CMIP: variants seen among roughly 807,000 people sequenced by gnomAD.
The protein encoded by CMIP is c-Maf inducing protein.
A neutral mutation model predicts 97.3 loss-of-function variants in CMIP; 13 were observed. That is an observed-to-expected ratio of 0.13 (90% confidence interval 0.09 to 0.21). The LOEUF (loss-of-function observed/expected upper bound fraction) is 0.21. Ranked by LOEUF, CMIP falls within the 10% of genes least tolerant of loss-of-function variation. The probability of loss-of-function intolerance (pLI) is 1.00; values close to 1 mark genes in which losing one functional copy is unlikely to be tolerated. For synonymous variants in CMIP, 538 were observed against 436.3 expected (o/e 1.23, Z -2.91); for missense variants, 847 against 1,024.9 (o/e 0.83, Z 2.37).
At chr16:81,638,439 C>G (rs1036415437) in intron 3 of CMIP, among the ~76,000 whole-genome samples, 4 of 152,170 alleles carry the variant, frequency 2.6e-5, no homozygotes, top group African/African-American at 9.7e-5. Context: ...TGGCCCACCC[C>G]CACCTGCACG....
At chr16:81,476,448 C>T (rs1355589865) in intron 1 of CMIP, 1 of 907,710 alleles carries the variant, frequency 1.1e-6, no homozygotes, top group African/African-American at 1.6e-5. Context: ...TGTTTGCAAA[C>T]AGCTCGAAGG....
intron 3 of CMIP, chr16:81,645,490 C>G: frequency 6.5e-7 from 1 of 1,534,820 alleles, no homozygotes; most frequent in Non-Finnish European, 8.7e-7. Context: ...CTGCTGACGA[C>G]TTGTCTCCCG....
intron 1 of CMIP, among the ~76,000 whole-genome samples, chr16:81,486,041 G>A (rs1013591381): frequency 5.3e-5 from 8 of 152,238 alleles, no homozygotes; most frequent in African/African-American, 1.9e-4. Flanking sequence ...CCTGGCACCC[G>A]GCCTGACAGG....
intron 1 of CMIP, among the ~76,000 whole-genome samples, chr16:81,482,575 G>T (rs1460003523): frequency 6.6e-6 from 1 of 152,168 alleles, no homozygotes; most frequent in South Asian, 2.1e-4. Context: ...GAGCCTGGTG[G>T]ACATGCGTGT....
chr16:81,454,665 C>T (rs1398826429), intron 1 of CMIP, among the ~76,000 whole-genome samples: 2 of 152,222 alleles, frequency 1.3e-5, no homozygotes, highest in Non-Finnish European at 2.9e-5. Flanking sequence ...AGGCATGGCA[C>T]TTGGAAAGTC....
chr16:81,527,271 A>G (rs2090150791), intron 1 of CMIP, among the ~76,000 whole-genome samples: 1 of 152,168 alleles, frequency 6.6e-6, no homozygotes, highest in Admixed American at 6.5e-5. Context: ...TGAGTGTGTA[A>G]GAGCCTTTGG....
chr16:81,591,608 AT>A (rs1486208860), intron 1 of CMIP, among the ~76,000 whole-genome samples: 1 of 152,074 alleles, frequency 6.6e-6, no homozygotes, highest in Non-Finnish European at 1.5e-5. Context: ...CATTTATAAC[AT>A]GTTGAGGAAC....
chr16:81,701,809 C>T lies in CMIP; in HGVS notation c.1896+9C>T. Reference sequence around the variant, plus strand: ...GGGAGCTGAAGGAGCTGGTGAGTCCCCGGCTGCTCCGGACCACTCCCCTGC... The same window carrying T: ...GGGAGCTGAAGGAGCTGGTGAGTCCTCGGCTGCTCCGGACCACTCCCCTGC... On this transcript the variant is annotated intron_variant, in intron 16 of 20. Coordinates refer to ENST00000537098, the MANE Select transcript of CMIP (RefSeq NM_198390.3). 1 of 1,612,950 alleles carries T rather than the reference C, an allele frequency of 6.2e-7. No homozygotes were observed. The highest frequency in any genetic ancestry group is 1.3e-5 in the African/African-American group (1 of 75,042).
intron 1 of CMIP, chr16:81,519,472 C>G (rs1039866527): frequency 9.8e-5 from 15 of 152,434 alleles, no homozygotes; most frequent in African/African-American, 3.1e-4. Context: ...CTGTTCTCTA[C>G]TCAGGCACAC....
chr16:81,469,261 T>C (rs554968974), intron 1 of CMIP, among the ~76,000 whole-genome samples: 1 of 152,356 alleles, frequency 6.6e-6, no homozygotes, highest in South Asian at 2.1e-4. Flanking sequence ...AAAACTGGGA[T>C]CAGCCCAGGC....
intron 11 of CMIP, among the ~76,000 whole-genome samples, chr16:81,692,409 G>A (rs1417167802): frequency 2.0e-5 from 3 of 152,154 alleles, no homozygotes; most frequent in South Asian, 4.1e-4. Flanking sequence ...TAGAGAGAAC[G>A]CTGTCTGGTG....
At chr16:81,445,904 C>T (rs571123175) in intron 1 of CMIP, among the ~76,000 whole-genome samples, 182 of 151,728 alleles carry the variant, frequency 1.2e-3, no homozygotes, top group African/African-American at 4.0e-3. Flanking sequence ...TCTGGAAGCC[C>T]CTGGCCCATC....
chr16:81,634,614 G>A (rs531634953), intron 3 of CMIP, among the ~76,000 whole-genome samples: 3 of 152,288 alleles, frequency 2.0e-5, no homozygotes, highest in South Asian at 2.1e-4. Flanking sequence ...CTGAGGAGCC[G>A]CCTCCCCAGG....
intron 1 of CMIP, among the ~76,000 whole-genome samples, chr16:81,555,201 G>C (rs1329822243): frequency 6.6e-6 from 1 of 152,230 alleles, no homozygotes; most frequent in Admixed American, 6.5e-5. Flanking sequence ...TTCCGATGTT[G>C]TCATTGTTAT....
At chr16:81,551,432 A>G in intron 1 of CMIP, among the ~76,000 whole-genome samples, 1 of 152,262 alleles carries the variant, frequency 6.6e-6, no homozygotes, top group East Asian at 1.9e-4. Flanking sequence ...AATCCCAGCC[A>G]CAGACATGGC....
chr16:81,606,086 T>C (rs1361922657), intron 1 of CMIP, among the ~76,000 whole-genome samples: 2 of 152,236 alleles, frequency 1.3e-5, no homozygotes, highest in Non-Finnish European at 2.9e-5. Flanking sequence ...TCCATCTTTA[T>C]GGTAGAATTA....
At chr16:81,604,129 C>T (rs900235147) in intron 1 of CMIP, among the ~76,000 whole-genome samples, 6 of 152,148 alleles carry the variant, frequency 3.9e-5, no homozygotes, top group Non-Finnish European at 7.3e-5. Context: ...TGTGGTGGCT[C>T]ACGCCTGTAA....
intron 9 of CMIP, among the ~76,000 whole-genome samples, chr16:81,675,571 A>C (rs1203464455): frequency 6.6e-6 from 1 of 152,026 alleles, no homozygotes. Context: ...AATCACCTGG[A>C]CTGCTTTAAA....
At chr16:81,604,433 C>T (rs2091708690) in intron 1 of CMIP, among the ~76,000 whole-genome samples, 1 of 147,252 alleles carries the variant, frequency 6.8e-6, no homozygotes, top group Non-Finnish European at 1.5e-5. Context: ...GCTGCGGTGG[C>T]TTATGCCTGT....
Sources: gnomAD v4.1 joint callset for allele counts (sites outside exome capture counted in the v4.1 genomes callset) on GRCh38, gnomAD v4.1.1 for gene constraint, MANE v1.5 for transcripts, NCBI Gene and HGNC (gene_info 2026-07-23, HGNC 2026-07-21) for gene names.